The following ADGRL2 variants were observed in gnomAD, a reference collection of about 807,000 sequenced individuals.
The protein encoded by ADGRL2 is calcium-independent alpha-latrotoxin receptor 2.
A neutral mutation model predicts 157.4 loss-of-function variants in ADGRL2; 44 were observed. The observed-to-expected ratio is 0.28, with a 90% CI of 0.22 to 0.36. ADGRL2 has a LOEUF of 0.36. Ranked by LOEUF, ADGRL2 falls within the 10% of genes least tolerant of loss-of-function variation. The probability of loss-of-function intolerance (pLI) is 1.00; values close to 1 mark genes in which losing one functional copy is unlikely to be tolerated. For synonymous variants in ADGRL2, 585 were observed against 624.7 expected, an observed-to-expected ratio of 0.94 and a Z score of 0.95; for missense variants, 1,510 against 1,768.9, an observed-to-expected ratio of 0.85 and a Z score of 2.63.
At chr1:81,801,462 C>T (rs1480863040) in intron 1 of ADGRL2, among the ~76,000 whole-genome samples, 1 of 152,228 alleles carries the variant, frequency 6.6e-6, no homozygotes, top group African/African-American at 2.4e-5. Flanking sequence ...CGCTCACACA[C>T]ACGCAGAGGT....
At position 81,955,921 on chromosome 1, in the gene ADGRL2, G is replaced by T; in HGVS notation, c.1878G>T (p.Leu626Phe). ...TVDNLLRPEA[L>F]ESWKHMNSSE... ...ACAACCTTCTGAGACCCGAAGCTTT[G>T]GAATCATGGAAACATATGAATTCTT... The change falls in exon 11 of 24, where the codon TTG becomes TTT. Residue 626 changes from leucine to phenylalanine, a missense_variant. By Grantham distance (22) the Leu-to-Phe change is conservative. Around this residue, in one of 4 missense-constraint regions of ADGRL2, gnomAD observed 325 missense variants for 333.2 expected, o/e 0.98. Transcript: ENST00000686636. 6.2e-7 allele frequency: 1 copy of T among 1,603,884 alleles called. No individual in the cohort carries two copies.
chr1:81,665,839 T>C (rs1444036565), intron 3 of ADGRL2, among the ~76,000 whole-genome samples: 4 of 152,110 alleles, frequency 2.6e-5, no homozygotes, highest in Non-Finnish European at 5.9e-5. Context: ...GTCTCAATTA[T>C]CAGAGTATCT....
chr1:81,892,315 C>G (rs899416308), intron 2 of ADGRL2, among the ~76,000 whole-genome samples: 1 of 151,974 alleles, frequency 6.6e-6, no homozygotes. Context: ...AGTTTGATCT[C>G]AATAATATCT....
At chr1:81,444,892 C>T (rs764121917) in intron 1 of ADGRL2, 1 of 152,172 alleles carries the variant, frequency 6.6e-6, no homozygotes, top group Non-Finnish European at 1.5e-5. Context: ...TCTGTATCTC[C>T]AAATTGGTAA....
chr1:81,937,138 C>T (rs549271782), intron 4 of ADGRL2, among the ~76,000 whole-genome samples: 1 of 151,852 alleles, frequency 6.6e-6, no homozygotes, highest in Non-Finnish European at 1.5e-5. Context: ...TTGCCCAATA[C>T]CAGTTGCTGA....
At chr1:81,630,313 G>T (rs924036214) in intron 3 of ADGRL2, among the ~76,000 whole-genome samples, 3 of 152,074 alleles carry the variant, frequency 2.0e-5, no homozygotes, top group Admixed American at 1.3e-4. Context: ...TCCCCATCCA[G>T]AGGAGTGGGC....
intron 1 of ADGRL2, among the ~76,000 whole-genome samples, chr1:81,809,087 T>C (rs762409733): frequency 1.8e-4 from 28 of 152,034 alleles, no homozygotes; most frequent in Admixed American, 6.6e-4. Context: ...AGAAAACGTA[T>C]GCTGAGCAAA....
chr1:81,902,461 G>A (rs759447022), intron 2 of ADGRL2, among the ~76,000 whole-genome samples: 7 of 152,088 alleles, frequency 4.6e-5, no homozygotes, highest in Non-Finnish European at 1.0e-4. Context: ...AGCCGGTCAT[G>A]GTGGTGCGCA....
At chr1:81,845,741 A>AT (rs1277143153) in intron 2 of ADGRL2, among the ~76,000 whole-genome samples, 7 of 150,780 alleles carry the variant, frequency 4.6e-5, no homozygotes, top group African/African-American at 1.5e-4. Context: ...ATAAAAACCT[A>AT]TTTTTGCCTT....
intron 1 of ADGRL2, among the ~76,000 whole-genome samples, chr1:81,307,852 A>G (rs1031375260): frequency 2.6e-5 from 4 of 152,122 alleles, no homozygotes; most frequent in African/African-American, 7.2e-5. Context: ...ATTGTAAAAA[A>G]AAATGCGCCT....
At chr1:81,971,260 AC>A (rs1658645078) in intron 16 of ADGRL2, among the ~76,000 whole-genome samples, 2 of 152,164 alleles carry the variant, frequency 1.3e-5, no homozygotes, top group Non-Finnish European at 2.9e-5. Flanking sequence ...TGAAAAATGA[AC>A]CACTAAGTAA....
chr1:81,790,915 C>T (rs997894942), intron 2 of ADGRL2, among the ~76,000 whole-genome samples: 2 of 151,678 alleles, frequency 1.3e-5, no homozygotes, highest in African/African-American at 4.8e-5. Context: ...AATACAAAAA[C>T]TAACCCAGCC....
chr1:81,985,426 G>T (rs1185409273), intron 21 of ADGRL2, 71 bp downstream of exon 21: 24 of 763,134 alleles, frequency 3.1e-5, no homozygotes. Flanking sequence ...ATTCAATAAT[G>T]TAATGTAAGA....
At chr1:81,451,320 T>C (rs1013261327) in intron 2 of ADGRL2, among the ~76,000 whole-genome samples, 1 of 152,230 alleles carries the variant, frequency 6.6e-6, no homozygotes, top group Admixed American at 6.5e-5. Context: ...TCATTTTGTA[T>C]ATAGCAGTAA....
At chr1:81,321,398 G>A (rs1660488823) in intron 1 of ADGRL2, among the ~76,000 whole-genome samples, 1 of 152,172 alleles carries the variant, frequency 6.6e-6, no homozygotes, top group Non-Finnish European at 1.5e-5. Flanking sequence ...GGTGCAAGAG[G>A]CCTATGGCTC....
chr1:81,552,623 AAC>A (rs1279227390), intron 2 of ADGRL2, among the ~76,000 whole-genome samples: 15 of 150,782 alleles, frequency 9.9e-5, no homozygotes, highest in African/African-American at 2.7e-4. Flanking sequence ...AAAAAAAAAA[AAC>A]AGAAAAGAAA....
chr1:81,676,420 C>T (rs1229570157), intron 3 of ADGRL2, among the ~76,000 whole-genome samples: 3 of 152,120 alleles, frequency 2.0e-5, no homozygotes, highest in African/African-American at 7.2e-5. Context: ...ACCTCAGCCT[C>T]CCGAATAGCT....
chr1:81,888,950 G>A (rs1557851500), intron 2 of ADGRL2, among the ~76,000 whole-genome samples: 1 of 152,186 alleles, frequency 6.6e-6, no homozygotes, highest in Non-Finnish European at 1.5e-5. Flanking sequence ...ACTATTTGAT[G>A]TGTATTATTG....
intron 3 of ADGRL2, among the ~76,000 whole-genome samples, chr1:81,643,073 A>C (rs2082251351): frequency 6.6e-6 from 1 of 152,236 alleles, no homozygotes; most frequent in African/African-American, 2.4e-5. Context: ...ACTGAAAGTC[A>C]TAGCAAATGC....
Sources: gnomAD v4.1 joint callset for allele counts (sites outside exome capture counted in the v4.1 genomes callset) on GRCh38, gnomAD v4.1.1 for gene constraint, gnomAD v4.1.1 regional missense constraint, MANE v1.5 for transcripts, NCBI Gene and HGNC (gene_info 2026-07-23, HGNC 2026-07-21) for gene names.